Variants in MACROD2 observed in about 807,000 individuals in gnomAD.
MACROD2 encodes the protein ADP-ribose glycohydrolase MACROD2.
A neutral mutation model predicts 70.4 loss-of-function variants in MACROD2; 36 were observed. The ratio of observed to expected loss-of-function variants is 0.51; its 90% CI spans 0.39 to 0.68. The LOEUF (loss-of-function observed/expected upper bound fraction) is 0.68. Among genes scored for constraint, MACROD2 ranks in the 30% least tolerant of loss-of-function variants. The pLI is 0.00. For synonymous variants in MACROD2, 172 were observed against 178.8 expected (o/e 0.96, Z 0.30); for missense variants, 496 against 538.4 (o/e 0.92, Z 0.78).
intron 3 of MACROD2, among the ~76,000 whole-genome samples, chr20:14,185,108 C>T (rs749331814): frequency 6.6e-6 from 1 of 151,422 alleles, no homozygotes; most frequent in Non-Finnish European, 1.5e-5. Context: ...TGTAGATGCT[C>T]AATAATGATT....
At chr20:15,920,266 C>T (rs913231647) in intron 10 of MACROD2, among the ~76,000 whole-genome samples, 8 of 152,066 alleles carry the variant, frequency 5.3e-5, no homozygotes, top group Non-Finnish European at 7.4e-5. Context: ...TTAGGCTGGT[C>T]CCGAGGGCCC....
intron 4 of MACROD2, among the ~76,000 whole-genome samples, chr20:14,628,181 G>A (rs1263890909): frequency 6.6e-6 from 1 of 152,182 alleles, no homozygotes; most frequent in Non-Finnish European, 1.5e-5. Context: ...ACCAAGGAGT[G>A]TGGCAGATAT....
intron 3 of MACROD2, among the ~76,000 whole-genome samples, chr20:14,336,425 A>G (rs1260021400): frequency 6.6e-6 from 1 of 152,130 alleles, no homozygotes; most frequent in African/African-American, 2.4e-5. Flanking sequence ...CTCTTTACCT[A>G]TATGCAACCA....
chr20:15,285,792 A>G (rs1423532657), intron 6 of MACROD2, among the ~76,000 whole-genome samples: 1 of 152,178 alleles, frequency 6.6e-6, no homozygotes, highest in Non-Finnish European at 1.5e-5. Flanking sequence ...TTGTCAATAT[A>G]TTCTGTTTAG....
At chr20:14,602,317 G>A (rs953491870) in intron 4 of MACROD2, among the ~76,000 whole-genome samples, 1 of 152,180 alleles carries the variant, frequency 6.6e-6, no homozygotes, top group Non-Finnish European at 1.5e-5. Flanking sequence ...CCCTTAGTCT[G>A]AGCCACATTG....
intron 3 of MACROD2, among the ~76,000 whole-genome samples, chr20:14,099,989 A>G (rs969386294): frequency 1.3e-5 from 2 of 152,244 alleles, no homozygotes; most frequent in African/African-American, 4.8e-5. Context: ...TGTTATGGTC[A>G]TATGGCCAAG....
At chr20:15,750,821 C>A (rs1035338829) in intron 8 of MACROD2, among the ~76,000 whole-genome samples, 1 of 150,852 alleles carries the variant, frequency 6.6e-6, no homozygotes, top group African/African-American at 2.4e-5. Context: ...TCATTTGGGA[C>A]AACATGGATG....
chr20:15,507,895 G>A (rs921028133), intron 8 of MACROD2, among the ~76,000 whole-genome samples: 3 of 152,198 alleles, frequency 2.0e-5, no homozygotes, highest in African/African-American at 4.8e-5. Context: ...GGGAAAATAT[G>A]CATTTTGCTG....
At chr20:14,127,305 G>A in intron 3 of MACROD2, 1 of 290,328 alleles carries the variant, frequency 3.4e-6, no homozygotes, top group South Asian at 1.2e-4. Context: ...CAAGAGAGGT[G>A]AGGAAACTCC....
At chr20:15,044,450 A>ACATCTG (rs1182496536) in intron 5 of MACROD2, among the ~76,000 whole-genome samples, 11 of 152,158 alleles carry the variant, frequency 7.2e-5, no homozygotes, top group Admixed American at 2.0e-4. Flanking sequence ...GTCAATGAGT[A>ACATCTG]CATCTGTGCG....
chr20:15,425,498 G>T (rs1004822125), intron 6 of MACROD2, among the ~76,000 whole-genome samples: 1 of 152,126 alleles, frequency 6.6e-6, no homozygotes, highest in Admixed American at 6.6e-5. Flanking sequence ...TTAAATGGAA[G>T]GTATATCAGG....
Position 15,495,838 on chromosome 20 carries a change from A to G in MACROD2, c.572-3936A>G, listed in dbSNP as rs144337955. Among the ~76,000 whole-genome samples the G allele has an allele frequency of 1.4e-3, 216 of 152,372 alleles. 1 individual carries two copies. Among genetic ancestry groups the G allele is most frequent in the African/African-American group, 4.8e-3 (201 of 41,592 alleles). On this transcript the variant is annotated intron_variant, in intron 7 of 17. Coordinates refer to ENST00000684519, the MANE Select transcript of MACROD2 (RefSeq NM_001351661.2). Reference sequence around the variant, plus strand: ...TTATGAAAACACAACATAGGGAGTCATCAGTGTCAGAGAAGCCTTTCCTGA... The same window carrying G: ...TTATGAAAACACAACATAGGGAGTCGTCAGTGTCAGAGAAGCCTTTCCTGA...
At chr20:14,347,244 G>A (rs1253437415) in intron 3 of MACROD2, among the ~76,000 whole-genome samples, 3 of 152,172 alleles carry the variant, frequency 2.0e-5, no homozygotes, top group African/African-American at 7.2e-5. Context: ...AGTTACTATG[G>A]TGGTAAGTGC....
At chr20:14,897,977 C>A (rs1285229833) in intron 5 of MACROD2, among the ~76,000 whole-genome samples, 1 of 152,030 alleles carries the variant, frequency 6.6e-6, no homozygotes, top group African/African-American at 2.4e-5. Context: ...AGAGACCATA[C>A]CTCTTAATAG....
intron 5 of MACROD2, among the ~76,000 whole-genome samples, chr20:15,218,278 T>A (rs1328827861): frequency 6.6e-6 from 1 of 152,188 alleles, no homozygotes; most frequent in East Asian, 1.9e-4. Context: ...CTCCTTGAAA[T>A]CAATTTTTAC....
intron 8 of MACROD2, among the ~76,000 whole-genome samples, chr20:15,798,701 A>G (rs112957130): frequency 3.9e-5 from 6 of 152,272 alleles, no homozygotes; most frequent in African/African-American, 1.4e-4. Context: ...ACACATACCA[A>G]TGTCTGTTGC....
At chr20:14,908,747 G>A (rs576580773) in intron 5 of MACROD2, among the ~76,000 whole-genome samples, 46 of 152,256 alleles carry the variant, frequency 3.0e-4, no homozygotes, top group Non-Finnish European at 5.6e-4. Flanking sequence ...TCATGTTAGG[G>A]AAAATAGGAA....
intron 3 of MACROD2, among the ~76,000 whole-genome samples, chr20:14,400,071 G>A (rs1231783280): frequency 1.4e-5 from 2 of 143,048 alleles, no homozygotes; most frequent in East Asian, 4.1e-4. Flanking sequence ...CTCCTTGTAG[G>A]TTGTATTTTT....
chr20:14,786,204 T>G (rs28362115), intron 5 of MACROD2, among the ~76,000 whole-genome samples: 265 of 135,486 alleles, frequency 2.0e-3, no homozygotes, highest in South Asian at 3.5e-3. Flanking sequence ...CAGAGAAAGA[T>G]AGAGAGAGAG....
Sources: allele counts gnomAD v4.1 joint callset (sites outside exome capture counted in the v4.1 genomes callset), GRCh38; gene constraint gnomAD v4.1.1; transcripts MANE v1.5; gene names NCBI Gene and HGNC (gene_info 2026-07-23, HGNC 2026-07-21).